Variants in RORC observed in about 807,000 individuals in gnomAD.
RORC encodes the protein nuclear receptor ROR-gamma.
Under a neutral mutation model 64.5 loss-of-function variants are expected in RORC, and 13 were observed. The observed-to-expected ratio is 0.20, with a 90% confidence interval of 0.13 to 0.32. RORC has a LOEUF of 0.32. RORC is among the 10% of genes least tolerant of loss of function. RORC has a pLI of 1.00. For missense variants in RORC, 468 were observed against 669.5 expected (o/e 0.70, Z 3.32); for synonymous variants, 277 against 259.3 (o/e 1.07, Z -0.65).
In RORC at chr1:151,812,974, A is replaced by G; in HGVS notation, c.1258T>C (p.Tyr420His). Residue 420 changes from tyrosine to histidine, a missense_variant, in exon 9 of 11, where the codon TAC (tyrosine) becomes CAC (histidine). By Grantham distance (83) the Tyr-to-His change is moderately conservative. Coordinates refer to ENST00000318247, the MANE Select transcript of RORC (RefSeq NM_005060.4). ...GCATTGATGAGAACAAGGGCTGTGT[A>G]GAGGGCAATCTCATCCTCGGAAAAG... ...LHFSEDEIAL[Y>H]TALVLINAHR... 1 of 1,613,734 alleles carries G rather than the reference A, an allele frequency of 6.2e-7. No individual in the cohort carries two copies. Among genetic ancestry groups the G allele is most frequent in the Non-Finnish European group, 8.5e-7 (1 of 1,179,598 alleles).
In RORC at chr1:151,826,092, G is replaced by A. The variant is rs1652186045; in HGVS notation, c.70+3337C>T. 2.8e-6 allele frequency: 4 copies of A among 1,450,340 alleles called. No homozygotes were observed. The Admixed American group carries it at 7.6e-5, about 28-fold the overall frequency. The allele number at this position is 1,450,340 out of a possible 1,614,324, so 89.8% of individuals were successfully genotyped here. On this transcript the variant is annotated intron_variant, in intron 2 of 10. Coordinates refer to ENST00000318247, the MANE Select transcript of RORC (RefSeq NM_005060.4). The stretch of plus-strand genomic sequence containing the variant: ...CCTAGCTCTCTCCCCCAGTGCTTCT[G>A]GACTGGGGGGTTTAAGCTCTGCACC...
chr1:151,819,185 A>G (rs1651887077), intron 2 of RORC, among the ~76,000 whole-genome samples: 1 of 152,178 alleles, frequency 6.6e-6, no homozygotes, highest in South Asian at 2.1e-4. Flanking sequence ...ATAAGAGGGC[A>G]CTGGGTGTCT....
intron 2 of RORC, among the ~76,000 whole-genome samples, chr1:151,826,855 C>T (rs1389869742): frequency 6.6e-6 from 1 of 152,196 alleles, no homozygotes; most frequent in African/African-American, 2.4e-5. Context: ...CAGTGGCTCA[C>T]GCCTGTAATC....
intron 2 of RORC, among the ~76,000 whole-genome samples, chr1:151,826,551 C>A (rs1652204394): frequency 6.6e-6 from 1 of 152,192 alleles, no homozygotes; most frequent in Non-Finnish European, 1.5e-5. Context: ...GCTGTCCCAC[C>A]ACTCCCATGC....
intron 2 of RORC, among the ~76,000 whole-genome samples, chr1:151,819,792 C>T (rs537898075): frequency 2.0e-5 from 3 of 152,252 alleles, no homozygotes; most frequent in South Asian, 2.1e-4. Flanking sequence ...TAGGAAGATG[C>T]GGCCAGTCAA....
Position 151,814,455 on chromosome 1 carries a change from C to A in RORC, c.933+119G>T, listed in dbSNP as rs945123159. 22 of 1,076,368 alleles carry A rather than the reference C, an allele frequency of 2.0e-5. No homozygotes were observed. The African/African-American group carries it at 3.0e-4, about 15-fold the overall frequency. 66.7% of individuals were successfully genotyped at this position (1,076,368 alleles called of 1,614,324 possible). A position where few individuals can be genotyped will look rare whatever the true frequency, so the allele number is the denominator to read the frequency against. On this transcript the variant is annotated intron_variant, in intron 6 of 10. Coordinates refer to ENST00000318247, the MANE Select transcript of RORC (RefSeq NM_005060.4). ...AAAAGGTGTGCACATGCTTGTTGGCCAGCCTGTGTCTGTGATGTCCCGCCC... is the reference window on the plus strand; with the variant it reads ...AAAAGGTGTGCACATGCTTGTTGGCAAGCCTGTGTCTGTGATGTCCCGCCC...
At chr1:151,826,184 G>C in intron 2 of RORC, 1 of 940,942 alleles carries the variant, frequency 1.1e-6, no homozygotes, top group Non-Finnish European at 1.4e-6. Flanking sequence ...GATGACAGGC[G>C]CCCCACGTGG....
intron 2 of RORC, among the ~76,000 whole-genome samples, chr1:151,818,758 T>G (rs1572041011): frequency 6.6e-6 from 1 of 152,162 alleles, no homozygotes; most frequent in Non-Finnish European, 1.5e-5. Context: ...GCAAAAGAAG[T>G]GGCAGCCTCT....
chr1:151,807,168 C>A lies in RORC; in HGVS notation c.*304G>T, dbSNP rs899297260. ...GTTTTCTTGAGGATGTCTTGGTCCC[C>A]CAGAAGTCCTTAAATCCCAGCCACC... On this transcript the variant is annotated 3_prime_UTR_variant, in exon 11 of 11. Transcript: ENST00000318247. This position sits in a 1 kb window ranked among gnomAD's most constrained non-coding sequence, Gnocchi z 5.0. 1 of 295,928 alleles carries A rather than the reference C, an allele frequency of 3.4e-6. No homozygotes were observed. Among genetic ancestry groups the A allele is most frequent in the Non-Finnish European group, 6.3e-6 (1 of 158,562 alleles). The allele number at this position is 295,928 out of a possible 1,614,324, so 18.3% of individuals were successfully genotyped here.
intron 2 of RORC, among the ~76,000 whole-genome samples, chr1:151,817,854 G>C (rs1292786822): frequency 6.6e-6 from 1 of 152,228 alleles, no homozygotes. Context: ...AGGAACCCAG[G>C]AAACGGGGGC....
chr1:151,810,276 C>T (rs1651469630), intron 10 of RORC, among the ~76,000 whole-genome samples: 1 of 152,096 alleles, frequency 6.6e-6, no homozygotes, highest in Admixed American at 6.5e-5. Flanking sequence ...GAATGCCTGC[C>T]CCACCCCCAT....
chr1:151,810,043 A>C (rs1651457947), intron 10 of RORC, among the ~76,000 whole-genome samples: 1 of 152,036 alleles, frequency 6.6e-6, no homozygotes, highest in African/African-American at 2.4e-5. Flanking sequence ...TTTACACTTT[A>C]GTGAGGATGT....
intron 2 of RORC, among the ~76,000 whole-genome samples, chr1:151,818,899 T>C (rs1651876642): frequency 2.0e-5 from 3 of 152,106 alleles, no homozygotes; most frequent in Admixed American, 1.3e-4. Flanking sequence ...AAAATATTAT[T>C]TCCATCATTC....
At chr1:151,813,173 T>C in intron 8 of RORC, 66 bp downstream of exon 8, 2 of 1,527,674 alleles carry the variant, frequency 1.3e-6, no homozygotes, top group Non-Finnish European at 1.8e-6. Flanking sequence ...GAGGGTGCCC[T>C]GGGTCACAAA....
At position 151,807,165 on chromosome 1, in the gene RORC, C is replaced by T. The variant is rs1651346661; in HGVS notation, c.*307G>A. On this transcript the variant is annotated 3_prime_UTR_variant, in exon 11 of 11. Transcript: ENST00000318247. The surrounding 1 kb of genome is among the most constrained non-coding windows in gnomAD (Gnocchi z 5.0). ...CCTGTTTTCTTGAGGATGTCTTGGTCCCCCAGAAGTCCTTAAATCCCAGCC... is the reference window on the plus strand; with the variant it reads ...CCTGTTTTCTTGAGGATGTCTTGGTTCCCCAGAAGTCCTTAAATCCCAGCC... 7.1e-6 allele frequency: 2 copies of T among 283,450 alleles called. No individual in the cohort carries two copies. Among genetic ancestry groups the T allele is most frequent in the African/African-American group, 2.2e-5 (1 of 46,370 alleles). The allele number at this position is 283,450 out of a possible 1,614,324, so 17.6% of individuals were successfully genotyped here.
intron 2 of RORC, among the ~76,000 whole-genome samples, chr1:151,825,283 C>T (rs1027001691): frequency 2.0e-5 from 3 of 152,094 alleles, no homozygotes; most frequent in Non-Finnish European, 2.9e-5. Context: ...CACACACACA[C>T]GCACACACAC....
chr1:151,825,963 G>C, intron 2 of RORC: 1 of 1,612,906 alleles, frequency 6.2e-7, no homozygotes, highest in South Asian at 1.1e-5. Context: ...TGCCGGCCTT[G>C]GCTCCCTGTC....
intron 2 of RORC, among the ~76,000 whole-genome samples, chr1:151,821,312 C>G (rs527280599): frequency 3.9e-5 from 6 of 152,186 alleles, no homozygotes; most frequent in Non-Finnish European, 7.3e-5. Flanking sequence ...ACCACCCCCC[C>G]ACCATCATGG....
At chr1:151,821,508 A>G (rs1444794816) in intron 2 of RORC, among the ~76,000 whole-genome samples, 1 of 152,194 alleles carries the variant, frequency 6.6e-6, no homozygotes, top group Non-Finnish European at 1.5e-5. Context: ...CAGGCTTTAC[A>G]TGCATTTTCA....
Sources: allele counts gnomAD v4.1 joint callset (sites outside exome capture counted in the v4.1 genomes callset), GRCh38; gene constraint gnomAD v4.1.1; non-coding constraint Gnocchi (gnomAD v3.1); transcripts MANE v1.5; gene names NCBI Gene and HGNC (gene_info 2026-07-23, HGNC 2026-07-21).